The following CCDC102B variants were observed in gnomAD, a reference collection of about 807,000 sequenced individuals.
CCDC102B encodes the protein coiled-coil domain containing 102B.
CCDC102B carries 75 observed loss-of-function variants against 57.4 expected under a neutral mutation model. The ratio of observed to expected loss-of-function variants is 1.31; its 90% CI spans 1.08 to 1.58. CCDC102B has a LOEUF of 1.58. Ranked by LOEUF, CCDC102B falls within the 40% of genes most tolerant of loss-of-function variation. The pLI, the probability that CCDC102B is intolerant of heterozygous loss-of-function variation, is 0.00. For missense variants in CCDC102B, 636 were observed against 582.6 expected, an observed-to-expected ratio of 1.09 and a Z score of -0.94; for synonymous variants, 206 against 201.9, an observed-to-expected ratio of 1.02 and a Z score of -0.17.
At chr18:69,056,259 A>G (rs79243629), downstream of CCDC102B, among the ~76,000 whole-genome samples, 1,358 of 152,188 alleles carry the variant, frequency 8.9e-3, 22 homozygotes, top group East Asian at 0.061. Context: ...ATTTTCCTTC[A>G]AAATATTGGG....
At chr18:68,971,350 T>C (rs77147823) in intron 6 of CCDC102B, among the ~76,000 whole-genome samples, 3,694 of 152,214 alleles carry the variant, frequency 0.024, 119 homozygotes, top group East Asian at 0.15. Flanking sequence ...ACAATTTCCC[T>C]CTTTCACACA....
chr18:68,765,305 G>A (rs751325972), intron 2 of CCDC102B, among the ~76,000 whole-genome samples: 49 of 80,036 alleles, frequency 6.1e-4, no homozygotes, highest in African/African-American at 1.4e-3. Context: ...AGGAAGGAAG[G>A]AAGGAAGGAA....
intron 6 of CCDC102B, among the ~76,000 whole-genome samples, chr18:68,931,437 C>T (rs1359812350): frequency 6.6e-6 from 1 of 151,518 alleles, no homozygotes; most frequent in Non-Finnish European, 1.5e-5. Context: ...TTTTGATTTC[C>T]TGAGGAAAGC....
intron 4 of CCDC102B, among the ~76,000 whole-genome samples, chr18:68,857,394 T>A (rs2038525944): frequency 8.0e-6 from 1 of 124,556 alleles, no homozygotes; most frequent in South Asian, 2.2e-4. Context: ...TATTTATTAT[T>A]TAAATATATA....
intron 7 of CCDC102B, among the ~76,000 whole-genome samples, chr18:69,053,422 T>C (rs1188819498): frequency 6.6e-6 from 1 of 151,668 alleles, no homozygotes; most frequent in Non-Finnish European, 1.5e-5. Flanking sequence ...CAAGTTATAG[T>C]TCAGTGACTT....
Position 68,860,472 on chromosome 18 carries a change from A to C in CCDC102B, c.936+14051A>C, listed in dbSNP as rs893498567. On this transcript the variant is annotated intron_variant, in intron 4 of 7. Coordinates refer to ENST00000360242, the MANE Select transcript of CCDC102B (RefSeq NM_024781.3). ...TATAATTAAAAAAAAACAAAAACAA[A>C]AACAAAAAAAAAAAAAGACACTACA... Among the ~76,000 whole-genome samples the C allele has an allele frequency of 2.2e-4, 18 of 82,712 alleles. 1 individual carries two copies. Among genetic ancestry groups the C allele is most frequent in the Non-Finnish European group, 3.9e-4 (13 of 33,054 alleles). The allele number at this position is 82,712 out of a possible 152,430, so 54.3% of individuals were successfully genotyped here.
At chr18:69,052,406 A>G (rs2052729955) in intron 7 of CCDC102B, among the ~76,000 whole-genome samples, 1 of 151,980 alleles carries the variant, frequency 6.6e-6, no homozygotes, top group Admixed American at 6.6e-5. Context: ...TAGTATCATA[A>G]CAAGTATAAT....
chr18:68,922,202 A>G (rs1368428381), intron 6 of CCDC102B, among the ~76,000 whole-genome samples: 1 of 152,094 alleles, frequency 6.6e-6, no homozygotes, highest in Admixed American at 6.5e-5. Context: ...GCTCCACCTG[A>G]ACAGTGTTAA....
intron 7 of CCDC102B, among the ~76,000 whole-genome samples, chr18:69,024,970 G>C (rs1443976478): frequency 1.3e-5 from 2 of 151,984 alleles, no homozygotes. Flanking sequence ...TGCATAATCA[G>C]ATCAAATAGT....
intron 7 of CCDC102B, among the ~76,000 whole-genome samples, chr18:69,040,090 A>G (rs2052392393): frequency 6.6e-6 from 1 of 151,942 alleles, no homozygotes. Flanking sequence ...CCCTTATTTA[A>G]CAGACCATAA....
intron 6 of CCDC102B, among the ~76,000 whole-genome samples, chr18:68,919,812 G>A (rs2041210821): frequency 6.7e-6 from 1 of 150,312 alleles, no homozygotes; most frequent in African/African-American, 2.5e-5. Context: ...GGGAGAGAAT[G>A]TCTTCAATAA....
Position 69,054,200 on chromosome 18 carries a change from T to C in CCDC102B, c.*63T>C. ...TTAAAGACATTTCCATATCCTTTTC[T>C]TAAATATCAGTAAAATTGTTTTTAT... is the stretch of plus-strand genomic sequence containing the variant. On this transcript the variant is annotated 3_prime_UTR_variant, in exon 8 of 8. Coordinates refer to ENST00000360242, the MANE Select transcript of CCDC102B (RefSeq NM_024781.3). 6.8e-7 allele frequency: 1 copy of C among 1,479,960 alleles called. No homozygotes were observed. The highest frequency in any genetic ancestry group is 8.9e-7 in the Non-Finnish European group (1 of 1,119,698). 91.7% of individuals were successfully genotyped at this position (1,479,960 alleles called of 1,614,324 possible).
intron 6 of CCDC102B, among the ~76,000 whole-genome samples, chr18:68,907,288 C>T (rs1176153965): frequency 6.6e-6 from 1 of 151,996 alleles, no homozygotes; most frequent in Non-Finnish European, 1.5e-5. Context: ...TTCAAAGCCT[C>T]CTGAAATTCC....
intron 5 of CCDC102B, among the ~76,000 whole-genome samples, chr18:68,887,242 G>A (rs1012325910): frequency 3.9e-5 from 6 of 152,216 alleles, no homozygotes; most frequent in South Asian, 4.2e-4. Context: ...AGAATTTGGA[G>A]CGCAGCAGTG....
At chr18:68,915,369 T>A (rs2041033334) in intron 6 of CCDC102B, among the ~76,000 whole-genome samples, 1 of 152,228 alleles carries the variant, frequency 6.6e-6, no homozygotes, top group South Asian at 2.1e-4. Context: ...TAAAATTAAT[T>A]ATCCTACCTT....
At chr18:68,748,437 A>G (rs1454431074) in intron 2 of CCDC102B, among the ~76,000 whole-genome samples, 19 of 152,116 alleles carry the variant, frequency 1.2e-4, no homozygotes, top group Admixed American at 1.2e-3. Flanking sequence ...CATCCATTTT[A>G]CTAACTGGTA....
intron 1 of CCDC102B, among the ~76,000 whole-genome samples, chr18:68,811,538 C>T (rs892527400): frequency 6.6e-6 from 1 of 152,110 alleles, no homozygotes; most frequent in Non-Finnish European, 1.5e-5. Flanking sequence ...TCACTTGAAC[C>T]TGGGAGGCAG....
rs778884474 is a variant in CCDC102B at position 68,838,848 on chromosome 18, T to A, written c.749T>A (p.Leu250Ter). 6.2e-7 allele frequency: 1 copy of A among 1,613,996 alleles called. No individual in the cohort carries two copies. Among genetic ancestry groups the A allele is most frequent in the South Asian group, 1.1e-5 (1 of 91,072 alleles). The change falls in exon 3 of 8, where the codon TTG becomes TAG. Residue 250 changes from leucine (L) to a stop codon, truncating the protein, a stop_gained. Coordinates refer to ENST00000360242, the MANE Select transcript of CCDC102B (RefSeq NM_024781.3). LOFTEE classifies it high-confidence loss of function. ...GLRLKAINLPLENEVTEISAL... is the reference protein window; with the variant it reads ...GLRLKAINLP ...AGACTGAAAGCAATAAATCTGCCTT[T>A]GGAAAATGAAGTAACTGAAATTTCA... is the stretch of plus-strand genomic sequence containing the variant.
rs75352091 is a variant in CCDC102B at position 68,930,940 on chromosome 18, T to C, written c.1263+33512T>C. 3.3e-5 allele frequency among the ~76,000 whole-genome samples: 5 copies of C among 151,722 alleles called. No homozygotes were observed. The East Asian group carries it at 9.8e-4, about 30-fold the overall frequency. On this transcript the variant is annotated intron_variant, in intron 6 of 7. Transcript: ENST00000360242. ...CACTTTTTTTTTTCAAATGAGCACA[T>C]GATTTGTTTGAAAAGTCTACTTTAT... is the stretch of plus-strand genomic sequence containing the variant.
Sources: allele counts gnomAD v4.1 joint callset (sites outside exome capture counted in the v4.1 genomes callset), GRCh38; gene constraint gnomAD v4.1.1; transcripts MANE v1.5; gene names NCBI Gene and HGNC (gene_info 2026-07-23, HGNC 2026-07-21).